The following RAB28 variants were observed in gnomAD, a reference collection of about 807,000 sequenced individuals.
RAB28 encodes the protein RAB28, member RAS oncogene family.
In RAB28, 24 loss-of-function variants were observed where a neutral mutation model predicts 31.7. The ratio of observed to expected loss-of-function variants is 0.76; its 90% CI spans 0.55 to 1.06. RAB28 has a LOEUF of 1.06. RAB28 is among the 50% of genes least tolerant of loss of function. The pLI is 0.00. For missense variants in RAB28, 254 were observed against 258.5 expected (o/e 0.98, Z 0.12); for synonymous variants, 100 against 90.4 (o/e 1.11, Z -0.60).
At chr4:13,378,088 G>C (rs1425092386) in intron 5 of RAB28, among the ~76,000 whole-genome samples, 1 of 152,168 alleles carries the variant, frequency 6.6e-6, no homozygotes, top group African/African-American at 2.4e-5. Flanking sequence ...CAGGGGAAAA[G>C]TCTGAGCAAA....
At chr4:13,404,350 C>T (rs1424583649) in intron 4 of RAB28, among the ~76,000 whole-genome samples, 1 of 152,026 alleles carries the variant, frequency 6.6e-6, no homozygotes, top group African/African-American at 2.4e-5. Flanking sequence ...TGCACTCCAG[C>T]CTGGGCAACA....
At chr4:13,467,370 T>C (rs1715910560) in intron 3 of RAB28, among the ~76,000 whole-genome samples, 1 of 151,692 alleles carries the variant, frequency 6.6e-6, no homozygotes, top group East Asian at 1.9e-4. Context: ...AAAGTGAGTA[T>C]CAGAAAAGGA....
intron 4 of RAB28, among the ~76,000 whole-genome samples, chr4:13,386,073 A>T (rs966972226): frequency 6.6e-6 from 1 of 152,206 alleles, no homozygotes; most frequent in Non-Finnish European, 1.5e-5. Flanking sequence ...CAGAGTGAAG[A>T]AATAACCTGC....
intron 4 of RAB28, among the ~76,000 whole-genome samples, chr4:13,391,470 G>C (rs1460976175): frequency 6.6e-6 from 1 of 152,170 alleles, no homozygotes; most frequent in African/African-American, 2.4e-5. Flanking sequence ...ATGCAAATTA[G>C]TTCAACCATT....
chr4:13,369,792 T>A, intron 6 of RAB28: 2 of 1,301,752 alleles, frequency 1.5e-6, no homozygotes, highest in South Asian at 3.9e-5. Context: ...TCCCTATTCA[T>A]AGGGAATAAA....
At chr4:13,415,762 C>T (rs1038487927) in intron 4 of RAB28, among the ~76,000 whole-genome samples, 4 of 152,184 alleles carry the variant, frequency 2.6e-5, no homozygotes, top group Non-Finnish European at 5.9e-5. Context: ...AAGGCTGAGG[C>T]GTGCGGGCGC....
intron 4 of RAB28, among the ~76,000 whole-genome samples, chr4:13,418,414 C>T (rs1258801298): frequency 2.6e-5 from 4 of 152,082 alleles, no homozygotes; most frequent in African/African-American, 4.8e-5. Context: ...ACCACAAAGA[C>T]ACTCCTCAAG....
At chr4:13,372,560 T>C (rs1293116997) in intron 6 of RAB28, among the ~76,000 whole-genome samples, 1 of 152,116 alleles carries the variant, frequency 6.6e-6, no homozygotes, top group Non-Finnish European at 1.5e-5. Context: ...TTATGTAATA[T>C]GAAAATCCAT....
intron 6 of RAB28, chr4:13,370,009 T>TAAAAAAAAAAAAAAAAAAAA: frequency 8.1e-7 from 1 of 1,233,892 alleles, no homozygotes; most frequent in East Asian, 2.9e-5. Context: ...AAAAAAGAAT[T>TAAAAAAAAAAAAAAAAAAAA]AAAAAAAAAA....
chr4:13,451,970 G>A (rs1317877839), intron 4 of RAB28, among the ~76,000 whole-genome samples: 2 of 151,726 alleles, frequency 1.3e-5, no homozygotes, highest in Non-Finnish European at 3.0e-5. Flanking sequence ...TGCCAGTACT[G>A]TGCCATTTTG....
At chr4:13,394,588 G>C (rs1294132544) in intron 4 of RAB28, among the ~76,000 whole-genome samples, 1 of 152,100 alleles carries the variant, frequency 6.6e-6, no homozygotes, top group Non-Finnish European at 1.5e-5. Flanking sequence ...CAAATTAAGA[G>C]GTAGTTGGAC....
intron 3 of RAB28, among the ~76,000 whole-genome samples, chr4:13,464,550 C>T (rs1715750291): frequency 6.6e-6 from 1 of 152,028 alleles, no homozygotes; most frequent in Non-Finnish European, 1.5e-5. Context: ...TTTACCACAA[C>T]ACTACCAGGG....
intron 4 of RAB28, among the ~76,000 whole-genome samples, chr4:13,429,361 G>C (rs959193215): frequency 2.6e-5 from 4 of 152,126 alleles, no homozygotes; most frequent in African/African-American, 9.6e-5. Context: ...CAGATGACAT[G>C]GTCTTATATA....
intron 4 of RAB28, among the ~76,000 whole-genome samples, chr4:13,389,838 G>A (rs1577164535): frequency 1.3e-5 from 2 of 152,048 alleles, no homozygotes; most frequent in African/African-American, 4.8e-5. Flanking sequence ...TGCAGAAAAG[G>A]CCTTCAACAA....
intron 4 of RAB28, among the ~76,000 whole-genome samples, chr4:13,398,126 A>G (rs1379188305): frequency 6.6e-6 from 1 of 152,236 alleles, no homozygotes; most frequent in Admixed American, 6.5e-5. Context: ...AGGAAATAAT[A>G]GGTCTAAAAG....
chr4:13,467,917 T>C (rs1040237415), intron 3 of RAB28, among the ~76,000 whole-genome samples: 2 of 151,802 alleles, frequency 1.3e-5, no homozygotes, highest in African/African-American at 2.4e-5. Flanking sequence ...AACAGGTTAA[T>C]AGTAAAGGGA....
At position 13,368,663 on chromosome 4, in the gene RAB28, A is replaced by C; in HGVS notation, c.574-13T>G. The C allele has an allele frequency of 6.3e-7, 1 of 1,597,384 alleles. No homozygotes were observed. The highest frequency in any genetic ancestry group is 8.6e-7 in the Non-Finnish European group (1 of 1,167,092). On this transcript the variant is annotated splice_polypyrimidine_tract_variant and intron_variant, in intron 6 of 6. Transcript: ENST00000330852. ...CCTTCACCACCCTCTGTCATAAAAG[A>C]AAACAGAGTTATTATCAGGATATCA... is the stretch of plus-strand genomic sequence containing the variant.
At chr4:13,423,300 C>G (rs566513373) in intron 4 of RAB28, among the ~76,000 whole-genome samples, 4 of 152,146 alleles carry the variant, frequency 2.6e-5, no homozygotes, top group African/African-American at 9.6e-5. Context: ...CTTTAGGAGG[C>G]CAAGGAGGGT....
chr4:13,409,544 G>T (rs1712303029), intron 4 of RAB28, among the ~76,000 whole-genome samples: 1 of 152,284 alleles, frequency 6.6e-6, no homozygotes, highest in South Asian at 2.1e-4. Context: ...CAGAGAAGCT[G>T]ATGGGAGAGA....
Sources: allele counts gnomAD v4.1 joint callset (sites outside exome capture counted in the v4.1 genomes callset), GRCh38; gene constraint gnomAD v4.1.1; transcripts MANE v1.5; gene names NCBI Gene and HGNC (gene_info 2026-07-23, HGNC 2026-07-21).